CSMD1: variants seen among roughly 807,000 people sequenced by gnomAD.
CSMD1 encodes CUB and sushi domain-containing protein 1.
In CSMD1, 213 loss-of-function variants were observed where a neutral mutation model predicts 417.5. The ratio of observed to expected loss-of-function variants is 0.51; its 90% CI spans 0.46 to 0.57. The LOEUF (loss-of-function observed/expected upper bound fraction) is 0.57. Ranked by LOEUF, CSMD1 falls within the 20% of genes least tolerant of loss-of-function variation. CSMD1 has a pLI of 0.00. For missense variants in CSMD1, 6,923 were observed against 4,529.7 expected, an observed-to-expected ratio of 1.53 and a Z score of -15.17; for synonymous variants, 2,862 against 1,736.8, an observed-to-expected ratio of 1.65 and a Z score of -16.11.
intron 1 of CSMD1, among the ~76,000 whole-genome samples, chr8:4,691,820 A>G (rs1806785970): frequency 6.6e-6 from 1 of 152,246 alleles, no homozygotes; most frequent in Non-Finnish European, 1.5e-5. Context: ...CACAGCAGAT[A>G]AAGTCGAAGA....
intron 29 of CSMD1, 44 bp downstream of exon 29, chr8:3,219,211 C>T (rs1209250921): frequency 1.3e-6 from 2 of 1,487,298 alleles, no homozygotes; most frequent in Non-Finnish European, 1.8e-6. Flanking sequence ...AAAAACAGTC[C>T]TGATACAAAT....
At chr8:4,176,292 G>T (rs930762879) in intron 3 of CSMD1, among the ~76,000 whole-genome samples, 2 of 152,018 alleles carry the variant, frequency 1.3e-5, no homozygotes, top group Non-Finnish European at 2.9e-5. Context: ...AAATTCTATA[G>T]CAAGTGTCCA....
chr8:4,610,532 T>C (rs1801114389), intron 2 of CSMD1, among the ~76,000 whole-genome samples: 2 of 152,274 alleles, frequency 1.3e-5, no homozygotes, highest in South Asian at 2.1e-4. Flanking sequence ...TTATAAAGAA[T>C]ACCCCAGGAG....
At chr8:4,418,418 T>A (rs1259968693) in intron 3 of CSMD1, among the ~76,000 whole-genome samples, 2 of 152,160 alleles carry the variant, frequency 1.3e-5, no homozygotes, top group African/African-American at 4.8e-5. Context: ...TTTGATAGAA[T>A]TATTCATATA....
rs536271782 is a variant in CSMD1, at chr8:3,388,593, T to C, written c.2594-911A>G. On this transcript the variant is annotated intron_variant, in intron 17 of 69. Coordinates refer to ENST00000635120, the MANE Select transcript of CSMD1 (RefSeq NM_033225.6). ...TCTAAAGGTGATCTTCGGGATATTG[T>C]TTCTGATCATTGCATATGTTTTATT... Among the ~76,000 whole-genome samples the C allele has an allele frequency of 7.2e-5, 11 of 152,346 alleles. No individual in the cohort carries two copies. The East Asian group carries it at 2.1e-3, about 29-fold the overall frequency.
At chr8:3,321,051 C>G (rs186719434) in intron 23 of CSMD1, among the ~76,000 whole-genome samples, 120 of 152,260 alleles carry the variant, frequency 7.9e-4, no homozygotes, top group Middle Eastern at 3.4e-3. Context: ...CTGAAAGACA[C>G]GCAACTCTCA....
intron 3 of CSMD1, among the ~76,000 whole-genome samples, chr8:4,378,192 G>A (rs140147919): frequency 8.3e-4 from 126 of 152,240 alleles, no homozygotes; most frequent in Middle Eastern, 3.4e-3. Context: ...TCTAATCGGC[G>A]TCCAACGAAT....
chr8:4,273,405 C>T (rs1237097103), intron 3 of CSMD1, among the ~76,000 whole-genome samples: 1 of 152,106 alleles, frequency 6.6e-6, no homozygotes, highest in Admixed American at 6.6e-5. Context: ...ATAACCGGTG[C>T]AACCCTGCTC....
At chr8:4,991,195 G>T (rs936508808) in intron 1 of CSMD1, among the ~76,000 whole-genome samples, 2 of 152,166 alleles carry the variant, frequency 1.3e-5, no homozygotes, top group African/African-American at 4.8e-5. Context: ...AGCATACACA[G>T]AATTAATATT....
chr8:4,826,701 C>T lies in CSMD1; in HGVS notation c.85+167631G>A, dbSNP rs561161365. Among the ~76,000 whole-genome samples the T allele has an allele frequency of 3.1e-4, 47 of 152,170 alleles. No homozygotes were observed. In the South Asian group the frequency reaches 3.5e-3, roughly 11 times the overall value. The stretch of plus-strand genomic sequence containing the variant: ...CACTCATTCTAAGCTCCTTTCCCTG[C>T]GCTCTGCCTTTCGTGACCCTCATGC... On this transcript the variant is annotated intron_variant, in intron 1 of 69. Coordinates refer to ENST00000635120, the MANE Select transcript of CSMD1 (RefSeq NM_033225.6).
intron 3 of CSMD1, among the ~76,000 whole-genome samples, chr8:4,118,880 G>A (rs1050268357): frequency 6.6e-6 from 1 of 152,148 alleles, no homozygotes; most frequent in African/African-American, 2.4e-5. Flanking sequence ...AAGAAATGTG[G>A]CACATATACA....
At chr8:3,238,375 G>A (rs1465150179) in intron 26 of CSMD1, among the ~76,000 whole-genome samples, 1 of 152,118 alleles carries the variant, frequency 6.6e-6, no homozygotes, top group Non-Finnish European at 1.5e-5. Flanking sequence ...CAGGGGATAT[G>A]ATGGCTTAGT....
At chr8:4,765,327 G>A (rs970650529) in intron 1 of CSMD1, among the ~76,000 whole-genome samples, 1 of 152,122 alleles carries the variant, frequency 6.6e-6, no homozygotes, top group Non-Finnish European at 1.5e-5. Flanking sequence ...CTGTGACTGG[G>A]ATCATTTTCA....
chr8:3,904,182 G>C (rs913197992), intron 5 of CSMD1, among the ~76,000 whole-genome samples: 6 of 152,126 alleles, frequency 3.9e-5, no homozygotes, highest in Non-Finnish European at 8.8e-5. Context: ...TGTTTCTGGA[G>C]AACCGGCCTG....
chr8:3,650,871 T>G (rs10105628), intron 7 of CSMD1, among the ~76,000 whole-genome samples: 2 of 152,156 alleles, frequency 1.3e-5, no homozygotes, highest in African/African-American at 4.8e-5. Flanking sequence ...ACTATGACTA[T>G]GTAACATCTC....
intron 48 of CSMD1, among the ~76,000 whole-genome samples, chr8:3,089,589 C>A (rs1053260493): frequency 2.6e-5 from 4 of 152,148 alleles, no homozygotes; most frequent in African/African-American, 9.7e-5. Flanking sequence ...CCCTTGGCCA[C>A]ATGTTAATAT....
intron 2 of CSMD1, among the ~76,000 whole-genome samples, chr8:4,555,026 A>C (rs73182999): frequency 6.6e-6 from 1 of 152,180 alleles, no homozygotes; most frequent in Non-Finnish European, 1.5e-5. Flanking sequence ...AGTAAGACTC[A>C]GAGATGCTGG....
chr8:2,959,486 A>T (rs2128924316), intron 62 of CSMD1, among the ~76,000 whole-genome samples: 1 of 152,334 alleles, frequency 6.6e-6, no homozygotes, highest in East Asian at 1.9e-4. Flanking sequence ...AAACATGCTG[A>T]CATTCTCAGG....
chr8:4,693,185 A>G (rs573478993), intron 1 of CSMD1, among the ~76,000 whole-genome samples: 1 of 152,342 alleles, frequency 6.6e-6, no homozygotes, highest in Admixed American at 6.5e-5. Context: ...CCAGTGTTTC[A>G]GTAATGAAAT....
Sources: allele counts gnomAD v4.1 joint callset (sites outside exome capture counted in the v4.1 genomes callset), GRCh38; gene constraint gnomAD v4.1.1; transcripts MANE v1.5; gene names NCBI Gene and HGNC (gene_info 2026-07-23, HGNC 2026-07-21).